GRID1: variants seen among roughly 807,000 people sequenced by gnomAD.
The protein encoded by GRID1 is glutamate receptor ionotropic, delta-1.
Under a neutral mutation model 98.0 loss-of-function variants are expected in GRID1, and 28 were observed. That is an observed-to-expected ratio of 0.29 (90% CI 0.21 to 0.39). The LOEUF is 0.39. GRID1 is among the 10% of genes least tolerant of loss of function. GRID1 has a pLI of 1.00. For synonymous variants in GRID1, 553 were observed against 538.5 expected, an observed-to-expected ratio of 1.03 and a Z score of -0.37; for missense variants, 1,111 against 1,340.5, an observed-to-expected ratio of 0.83 and a Z score of 2.67.
intron 4 of GRID1, among the ~76,000 whole-genome samples, chr10:85,931,419 T>C (rs1308072215): frequency 6.6e-6 from 1 of 152,234 alleles, no homozygotes; most frequent in Non-Finnish European, 1.5e-5. Flanking sequence ...GTTCTTGCTC[T>C]AGAATTTCTA....
At chr10:86,136,739 A>G (rs1844930602) in intron 4 of GRID1, among the ~76,000 whole-genome samples, 1 of 152,172 alleles carries the variant, frequency 6.6e-6, no homozygotes, top group South Asian at 2.1e-4. Context: ...TCCAAATGCC[A>G]TCGTTCCCCT....
chr10:86,217,782 C>A (rs1423120750), intron 2 of GRID1, among the ~76,000 whole-genome samples: 1 of 152,130 alleles, frequency 6.6e-6, no homozygotes, highest in African/African-American at 2.4e-5. Context: ...CTCCTGCTGG[C>A]CTTTGGGCCA....
intron 5 of GRID1, among the ~76,000 whole-genome samples, chr10:85,899,491 C>G (rs17105950): frequency 0.039 from 6,005 of 152,240 alleles, 268 homozygotes; most frequent in East Asian, 0.19. Context: ...GTGTAAAATC[C>G]AGGAACCTTT....
chr10:86,280,176 CAGAGCT>C (rs1386799653), intron 2 of GRID1, among the ~76,000 whole-genome samples: 4 of 152,166 alleles, frequency 2.6e-5, no homozygotes, highest in Non-Finnish European at 4.4e-5. Flanking sequence ...GCCTGGGCAA[CAGAGCT>C]AGACCCTGTC....
At chr10:85,751,165 A>G (rs755957944) in intron 8 of GRID1, among the ~76,000 whole-genome samples, 5 of 152,202 alleles carry the variant, frequency 3.3e-5, no homozygotes, top group Non-Finnish European at 7.3e-5. Context: ...AATCTAACTA[A>G]ACGGAGCAGA....
rs544603098 is a variant in GRID1, at chr10:86,245,919, C to A, written c.236-39271G>T. Among the ~76,000 whole-genome samples, 17 of 152,378 alleles carry A rather than the reference C, an allele frequency of 1.1e-4. No homozygotes were observed. The East Asian group carries it at 3.3e-3, about 29-fold the overall frequency. On this transcript the variant is annotated intron_variant, in intron 2 of 15. Coordinates refer to ENST00000327946, the MANE Select transcript of GRID1 (RefSeq NM_017551.3). ...GGAACCCTCATGGTCCCCATTCCAG[C>A]TGCAGCAGCCAGCCTCCCTGAGGCA...
intron 4 of GRID1, among the ~76,000 whole-genome samples, chr10:85,952,724 T>G (rs766696995): frequency 1.3e-5 from 2 of 152,188 alleles, no homozygotes; most frequent in Non-Finnish European, 2.9e-5. Context: ...CTCTCTGGTA[T>G]GATCCCCCCC....
intron 3 of GRID1, among the ~76,000 whole-genome samples, chr10:86,189,512 C>T (rs1902668): frequency 0.34 from 51,603 of 151,822 alleles, 9,061 homozygotes; most frequent in East Asian, 0.48. Flanking sequence ...CACACACACA[C>T]GCACACACAC....
In GRID1 at chr10:86,354,982, G is replaced by C. The variant is rs528214373; in HGVS notation, c.235+8959C>G. 5.1e-4 allele frequency among the ~76,000 whole-genome samples: 77 copies of C among 152,286 alleles called. 1 individual carries two copies. The highest frequency in any genetic ancestry group is 1.8e-3 in the African/African-American group (75 of 41,556). On this transcript the variant is annotated intron_variant, in intron 2 of 15. Coordinates refer to ENST00000327946, the MANE Select transcript of GRID1 (RefSeq NM_017551.3). ...CCGCCCTAAGTGGGGCCAAGGCTGTGGGAACCTGCTCACACTGCCCAGCCC... is the reference window on the plus strand; with the variant it reads ...CCGCCCTAAGTGGGGCCAAGGCTGTCGGAACCTGCTCACACTGCCCAGCCC...
At chr10:85,959,303 C>A (rs1842235069) in intron 4 of GRID1, among the ~76,000 whole-genome samples, 1 of 152,220 alleles carries the variant, frequency 6.6e-6, no homozygotes, top group Admixed American at 6.5e-5. Flanking sequence ...CCAAACTGAA[C>A]CCTCCTCTGG....
At chr10:86,144,535 C>T (rs760640647) in intron 3 of GRID1, among the ~76,000 whole-genome samples, 24 of 152,242 alleles carry the variant, frequency 1.6e-4, no homozygotes, top group Non-Finnish European at 2.8e-4. Context: ...ACATCCCGGC[C>T]GCTCGCCCTC....
intron 8 of GRID1, among the ~76,000 whole-genome samples, chr10:85,774,129 A>G (rs1842303450): frequency 6.6e-6 from 1 of 152,228 alleles, no homozygotes; most frequent in African/African-American, 2.4e-5. Context: ...AAACAGAGAT[A>G]GCGATCAATG....
intron 2 of GRID1, among the ~76,000 whole-genome samples, chr10:86,319,296 ACT>A (rs1165161759): frequency 6.6e-6 from 1 of 152,130 alleles, no homozygotes; most frequent in Non-Finnish European, 1.5e-5. Flanking sequence ...TCAAAGGCTC[ACT>A]CTGACAATTG....
intron 2 of GRID1, among the ~76,000 whole-genome samples, chr10:86,275,324 A>G (rs1847252921): frequency 6.6e-6 from 1 of 152,186 alleles, no homozygotes; most frequent in South Asian, 2.1e-4. Context: ...TCTAGAGTTA[A>G]CACATTATAA....
chr10:85,990,718 G>A (rs190784280), intron 4 of GRID1, among the ~76,000 whole-genome samples: 180 of 152,254 alleles, frequency 1.2e-3, no homozygotes, highest in African/African-American at 4.2e-3. Flanking sequence ...GCAGTAGAAT[G>A]CATGGAGGCC....
intron 8 of GRID1, among the ~76,000 whole-genome samples, chr10:85,834,057 A>G (rs1842892396): frequency 6.6e-6 from 1 of 152,210 alleles, no homozygotes; most frequent in Non-Finnish European, 1.5e-5. Context: ...AAAGAGACTG[A>G]GGCTGAAAGA....
intron 2 of GRID1, among the ~76,000 whole-genome samples, chr10:86,212,606 C>T (rs1050174095): frequency 1.3e-5 from 2 of 152,216 alleles, no homozygotes; most frequent in African/African-American, 4.8e-5. Context: ...CAAGGCTGCT[C>T]CACGAGCCAC....
intron 12 of GRID1, among the ~76,000 whole-genome samples, chr10:85,704,113 A>G (rs1194702419): frequency 6.6e-6 from 1 of 152,328 alleles, no homozygotes; most frequent in East Asian, 1.9e-4. Context: ...AAATTCACAC[A>G]TAACAATATT....
At chr10:85,972,667 T>C (rs952585006) in intron 4 of GRID1, among the ~76,000 whole-genome samples, 1 of 151,918 alleles carries the variant, frequency 6.6e-6, no homozygotes, top group Admixed American at 6.6e-5. Flanking sequence ...ACACTGAACA[T>C]TTAGGTTGTT....
Sources: gnomAD v4.1 joint callset for allele counts (sites outside exome capture counted in the v4.1 genomes callset) on GRCh38, gnomAD v4.1.1 for gene constraint, MANE v1.5 for transcripts, NCBI Gene and HGNC (gene_info 2026-07-23, HGNC 2026-07-21) for gene names.